FAP: variants seen among roughly 807,000 people sequenced by gnomAD.
FAP encodes fibroblast activation protein alpha, also known as prolyl endopeptidase FAP.
In FAP, 110 loss-of-function variants were observed where a neutral mutation model predicts 126.5. The ratio of observed to expected loss-of-function variants is 0.87; its 90% confidence interval spans 0.74 to 1.02. FAP has a LOEUF of 1.02. Ranked by LOEUF, FAP falls within the 50% of genes least tolerant of loss-of-function variation. The probability of loss-of-function intolerance (pLI) is 0.00; values close to 1 mark genes in which losing one functional copy is unlikely to be tolerated. For missense variants in FAP, 919 were observed against 909.2 expected, an observed-to-expected ratio of 1.01 and a Z score of -0.14; for synonymous variants, 334 against 297.3, an observed-to-expected ratio of 1.12 and a Z score of -1.27.
chr2:162,219,027 C>G (rs371124900), intron 8 of FAP, 36 bp downstream of exon 8: 1 of 1,521,394 alleles, frequency 6.6e-7, no homozygotes, highest in African/African-American at 1.4e-5. Flanking sequence ...AATTAAAAGC[C>G]TAAAGCATTA....
chr2:162,203,148 G>C lies in FAP; in HGVS notation c.1048-3C>G. On this transcript the variant is annotated splice_polypyrimidine_tract_variant and splice_region_variant and intron_variant, in intron 12 of 25. Coordinates refer to ENST00000188790, the MANE Select transcript of FAP (RefSeq NM_004460.5). ...AAAACTGGTGTTGAAACAAAGAACT[G>C]AAAAAAATTAGCAGAGGTTATGTTC... 1 of 1,595,046 alleles carries C rather than the reference G, an allele frequency of 6.3e-7. No individual in the cohort carries two copies. The highest frequency in any genetic ancestry group is 8.6e-7 in the Non-Finnish European group (1 of 1,167,736).
chr2:162,207,421 C>T (rs1688747409), intron 12 of FAP, among the ~76,000 whole-genome samples: 1 of 152,086 alleles, frequency 6.6e-6, no homozygotes, highest in Non-Finnish European at 1.5e-5. Context: ...TAAGTTGTTC[C>T]CAATAGAATT....
At chr2:162,179,782 CT>C (rs200702341) in intron 21 of FAP, among the ~76,000 whole-genome samples, 8 of 68,262 alleles carry the variant, frequency 1.2e-4, no homozygotes, top group African/African-American at 3.7e-4. Flanking sequence ...ATCTATCTAT[CT>C]ATCTATCTAT....
In FAP at chr2:162,188,401, C is replaced by T. The variant is rs753382912; in HGVS notation, c.1620-38G>A. The T allele has an allele frequency of 3.8e-6, 6 of 1,562,814 alleles. No homozygotes were observed. The African/African-American group carries it at 4.1e-5, about 11-fold the overall frequency. On this transcript the variant is annotated intron_variant, in intron 19 of 25. Transcript: ENST00000188790. Reference sequence around the variant, plus strand: ...CAAAAAAAACAAGAATCTTTGATTGCTTTGTAAAACTCAATTTCCCATCCT... The same window carrying T: ...CAAAAAAAACAAGAATCTTTGATTGTTTTGTAAAACTCAATTTCCCATCCT...
At chr2:162,198,586 G>C (rs934408121) in intron 16 of FAP, 171 bp downstream of exon 16, 4 of 927,512 alleles carry the variant, frequency 4.3e-6, no homozygotes, top group African/African-American at 1.7e-5. Flanking sequence ...AAAAAGTAAA[G>C]ATAATAATAC....
In FAP at chr2:162,229,291, C is replaced by T. The variant is rs1689793890; in HGVS notation, c.92-2670G>A. On this transcript the variant is annotated intron_variant, in intron 2 of 25. Coordinates refer to ENST00000188790, the MANE Select transcript of FAP (RefSeq NM_004460.5). ...ACATGGTAGCAGTCAATACATGTTA[C>T]CTTTTAGCATTATCGTAACTCATCA... Among the ~76,000 whole-genome samples the T allele has an allele frequency of 2.0e-5, 3 of 152,008 alleles. No individual in the cohort carries two copies. The South Asian group carries it at 6.2e-4, about 31-fold the overall frequency.
Position 162,218,134 on chromosome 2 carries a change from A to C in FAP, c.614T>G (p.Met205Arg). ...CCAGAGAGCATATTTTGTAGCAAGC[A>C]TTTCCTCTGAAAAATAAGTACTAGG... ...GIPDWVYEEEMLATKYALWWS... is the reference protein window; with the variant it reads ...GIPDWVYEEERLATKYALWWS... Residue 205 changes from methionine to arginine, a missense_variant, in exon 9 of 26, where the codon ATG (methionine) becomes AGG (arginine). Met to Arg is a moderately conservative substitution (Grantham distance 91, BLOSUM62 -1). Transcript: ENST00000188790. The C allele has an allele frequency of 6.3e-7, 1 of 1,598,522 alleles. No homozygotes were observed. Among genetic ancestry groups the C allele is most frequent in the Non-Finnish European group, 8.5e-7 (1 of 1,173,244 alleles).
chr2:162,194,264 G>T (rs1270067332), intron 17 of FAP: 1 of 145,312 alleles, frequency 6.9e-6, no homozygotes, highest in African/African-American at 2.8e-5. Flanking sequence ...TTCCAGTTTG[G>T]GATGTTACCA....
Position 162,188,050 on chromosome 2 carries a change from T to A in FAP, c.1814+119A>T, listed in dbSNP as rs980166067. On this transcript the variant is annotated intron_variant, in intron 20 of 25. Coordinates refer to ENST00000188790, the MANE Select transcript of FAP (RefSeq NM_004460.5). ...TACCTCTTTAAGATTAGTGATAGTTTTAGACCAAGTTAGAAAAAGAAAAAC... is the reference window on the plus strand; with the variant it reads ...TACCTCTTTAAGATTAGTGATAGTTATAGACCAAGTTAGAAAAAGAAAAAC... 3.3e-5 allele frequency: 27 copies of A among 830,546 alleles called. No homozygotes were observed. The Admixed American group carries it at 5.5e-4, about 17-fold the overall frequency. 51.4% of individuals were successfully genotyped at this position (830,546 alleles called of 1,614,324 possible).
chr2:162,183,406 C>G lies in FAP; in HGVS notation c.1869+8G>C, dbSNP rs1008938240. On this transcript the variant is annotated splice_region_variant and intron_variant, in intron 21 of 25. Transcript: ENST00000188790. ...AATAACAGGCATAAAAAATATAAAACAACTCACCCAGCCCCATATGGCTAT... is the reference window on the plus strand; with the variant it reads ...AATAACAGGCATAAAAAATATAAAAGAACTCACCCAGCCCCATATGGCTAT... 6.2e-7 allele frequency: 1 copy of G among 1,600,696 alleles called. No homozygotes were observed. The highest frequency in any genetic ancestry group is 8.5e-7 in the Non-Finnish European group (1 of 1,170,720).
chr2:162,177,312 T>G (rs1455106945), intron 21 of FAP, among the ~76,000 whole-genome samples: 2 of 152,204 alleles, frequency 1.3e-5, no homozygotes, highest in African/African-American at 4.8e-5. Context: ...TGGAACATTT[T>G]ACCTATAGGC....
At position 162,219,143 on chromosome 2, in the gene FAP, G is replaced by T. The variant is rs267598948; in HGVS notation, c.527C>A (p.Pro176Gln). Reference protein sequence around the residue: ...YQNNIYLKQRPGDPPFQITFN... With the variant: ...YQNNIYLKQRQGDPPFQITFN... ...TGTTATTTGAAAAGGTGGATCTCCT[G>T]GTCTTTGTTTCAAATAGATATTGTT... Residue 176 changes from proline to glutamine, a missense_variant, in exon 8 of 26, where the codon CCA becomes CAA. Transcript: ENST00000188790. The T allele has an allele frequency of 6.2e-7, 1 of 1,606,804 alleles. No individual in the cohort carries two copies. Among genetic ancestry groups the T allele is most frequent in the Non-Finnish European group, 8.5e-7 (1 of 1,175,730 alleles).
Position 162,215,977 on chromosome 2 carries a change from G to T in FAP, c.787C>A (p.Arg263=). The stretch of plus-strand genomic sequence containing the variant: ...TAAGTGGTATCGATAATAAATATCC[G>T]AACAACGGGATTCTTAGCTCCAGCC... ...PKAGAKNPVV[R]IFIIDTTYPA... The change falls in exon 10 of 26, where the codon CGG becomes AGG. Residue 263 remains arginine (R), a synonymous_variant. Transcript: ENST00000188790. 1 of 1,613,872 alleles carries T rather than the reference G, an allele frequency of 6.2e-7. No individual in the cohort carries two copies. Among genetic ancestry groups the T allele is most frequent in the Non-Finnish European group, 8.5e-7 (1 of 1,179,888 alleles).
chr2:162,180,058 C>T (rs949748588), intron 21 of FAP, among the ~76,000 whole-genome samples: 9 of 151,842 alleles, frequency 5.9e-5, no homozygotes, highest in African/African-American at 1.9e-4. Flanking sequence ...CTGCCTGCCT[C>T]GGTCTCACAA....
intron 17 of FAP, among the ~76,000 whole-genome samples, chr2:162,190,549 T>C (rs1688008624): frequency 6.6e-6 from 1 of 152,136 alleles, no homozygotes; most frequent in African/African-American, 2.4e-5. Flanking sequence ...AATCTGTAGA[T>C]TGGTAATACA....
chr2:162,203,461 G>A (rs73012923), intron 12 of FAP, among the ~76,000 whole-genome samples: 2,520 of 152,294 alleles, frequency 0.017, 58 homozygotes, highest in African/African-American at 0.058. Flanking sequence ...AATCACAAAC[G>A]CATGTTGATA....
chr2:162,189,506 G>T, intron 18 of FAP, 150 bp downstream of exon 18: 1 of 577,370 alleles, frequency 1.7e-6, no homozygotes, highest in Non-Finnish European at 3.1e-6. Context: ...GTAAAACTAA[G>T]AATTGTTACA....
At chr2:162,192,597 G>A (rs1301467203) in intron 17 of FAP, among the ~76,000 whole-genome samples, 1 of 152,000 alleles carries the variant, frequency 6.6e-6, no homozygotes, top group East Asian at 1.9e-4. Context: ...GTTACCACAT[G>A]CTCCATAAAT....
rs780897709 is a variant in FAP at position 162,242,978 on chromosome 2, G to A, written c.21C>T (p.Ile7=). The A allele has an allele frequency of 3.2e-5, 51 of 1,611,930 alleles. No individual in the cohort carries two copies. The South Asian group carries it at 4.4e-4, about 14-fold the overall frequency. The part of the protein sequence containing the change: MKTWVK[I]VFGVATSAVL... ...CAGCAGAGGTGGCAACTCCAAATAC[G>A]ATTTTTACCCAAGTCTACATAAAAT... Residue 7 remains isoleucine, a synonymous_variant, in exon 2 of 26, where the codon ATC becomes ATT. Coordinates refer to ENST00000188790, the MANE Select transcript of FAP (RefSeq NM_004460.5).
Sources: allele counts gnomAD v4.1 joint callset (sites outside exome capture counted in the v4.1 genomes callset), GRCh38; gene constraint gnomAD v4.1.1; transcripts MANE v1.5; gene names NCBI Gene and HGNC (gene_info 2026-07-23, HGNC 2026-07-21).